USP8: variants seen among roughly 807,000 people sequenced by gnomAD.
USP8 encodes ubiquitin specific peptidase 8.
A neutral mutation model predicts 130.0 loss-of-function variants in USP8; 27 were observed. That is an observed-to-expected ratio of 0.21 (90% CI 0.15 to 0.29). The LOEUF (loss-of-function observed/expected upper bound fraction) is 0.29, where lower values mean the gene tolerates loss of function less well. Among genes scored for constraint, USP8 ranks in the 10% least tolerant of loss-of-function variants. The pLI, the probability that USP8 is intolerant of heterozygous loss-of-function variation, is 1.00. For missense variants in USP8, 1,029 were observed against 1,312.2 expected, an observed-to-expected ratio of 0.78 and a Z score of 3.33; for synonymous variants, 392 against 444.1, an observed-to-expected ratio of 0.88 and a Z score of 1.48.
At chr15:50,471,485 C>T in intron 7 of USP8, 148 bp from the exon 8 acceptor site, 1 of 747,100 alleles carries the variant, frequency 1.3e-6, no homozygotes. Context: ...TGTTTAATAT[C>T]TTAATATATA....
chr15:50,434,362 C>T lies in USP8; in HGVS notation c.-65-4647C>T, dbSNP rs190443868. 1.1e-3 allele frequency among the ~76,000 whole-genome samples: 166 copies of T among 151,510 alleles called. 1 individual carries two copies. Among genetic ancestry groups the T allele is most frequent in the African/African-American group, 3.8e-3 (155 of 41,308 alleles). On this transcript the variant is annotated intron_variant, in intron 1 of 19. Transcript: ENST00000307179. Reference sequence around the variant, plus strand: ...AAGCAGTCCACCTGCCTCAGCCTCCCGAAGTGCTAGGATTACAGGCCTGAG... The same window carrying T: ...AAGCAGTCCACCTGCCTCAGCCTCCTGAAGTGCTAGGATTACAGGCCTGAG...
Position 50,488,024 on chromosome 15 carries a change from T to A in USP8, c.1891-1777T>A, listed in dbSNP as rs573124414. 3.3e-5 allele frequency among the ~76,000 whole-genome samples: 5 copies of A among 152,348 alleles called. No homozygotes were observed. The East Asian group carries it at 9.6e-4, about 29-fold the overall frequency. On this transcript the variant is annotated intron_variant, in intron 12 of 19. Transcript: ENST00000307179. ...TGAAACCCCATCTCTAAACTTTTTT[T>A]AAATGACATTTGCAAACATTTTCTC...
intron 3 of USP8, among the ~76,000 whole-genome samples, chr15:50,446,776 CTT>C (rs1390358201): frequency 6.6e-6 from 1 of 152,104 alleles, no homozygotes; most frequent in Non-Finnish European, 1.5e-5. Context: ...TATCAACAGA[CTT>C]TTTTTGAGAC....
In USP8 at chr15:50,433,339, T is replaced by C. The variant is rs77495813; in HGVS notation, c.-65-5670T>C. ...ATTTAAGACAGCGAGAAGATACTTA[T>C]GTTGAGTATTGTTGCTGCCTAAGGG... is the stretch of plus-strand genomic sequence containing the variant. On this transcript the variant is annotated intron_variant, in intron 1 of 19. Coordinates refer to ENST00000307179, the MANE Select transcript of USP8 (RefSeq NM_005154.5). Among the ~76,000 whole-genome samples, 826 of 152,324 alleles carry C rather than the reference T, an allele frequency of 5.4e-3. 6 individuals are homozygous for C. The highest frequency in any genetic ancestry group is 0.019 in the African/African-American group (794 of 41,576).
chr15:50,442,790 G>C (rs1277830250), intron 3 of USP8, among the ~76,000 whole-genome samples: 1 of 152,002 alleles, frequency 6.6e-6, no homozygotes, highest in African/African-American at 2.4e-5. Flanking sequence ...AGAATATGAA[G>C]AATGTAGAGG....
At chr15:50,471,876 C>T (rs1366288230) in intron 8 of USP8, 81 bp downstream of exon 8, 14 of 1,241,022 alleles carry the variant, frequency 1.1e-5, no homozygotes, top group South Asian at 6.5e-5. Context: ...AGTTGTTTAT[C>T]TTAAATACTA....
intron 17 of USP8, among the ~76,000 whole-genome samples, chr15:50,496,480 TAAAAA>T (rs35899607): frequency 1.5e-4 from 17 of 116,502 alleles, no homozygotes; most frequent in African/African-American, 2.3e-4. Flanking sequence ...GACTCCGTCT[TAAAAA>T]AAAAAAAAAA....
At position 50,442,733 on chromosome 15, in the gene USP8, C is replaced by T. The variant is rs555596941; in HGVS notation, c.249+1240C>T. On this transcript the variant is annotated intron_variant, in intron 3 of 19. Coordinates refer to ENST00000307179, the MANE Select transcript of USP8 (RefSeq NM_005154.5). ...GCACTCCAGCTCCAGCCCAGGTGGGCGATAGACTCCATCTCAAAAAACAAA... is the reference window on the plus strand; with the variant it reads ...GCACTCCAGCTCCAGCCCAGGTGGGTGATAGACTCCATCTCAAAAAACAAA... Among the ~76,000 whole-genome samples, 28 of 151,962 alleles carry T rather than the reference C, an allele frequency of 1.8e-4. No individual in the cohort carries two copies. In the East Asian group the frequency reaches 2.5e-3, roughly 14 times the overall value.
intron 1 of USP8, among the ~76,000 whole-genome samples, chr15:50,433,631 A>G (rs2049997728): frequency 6.6e-6 from 1 of 151,806 alleles, no homozygotes; most frequent in Admixed American, 6.6e-5. Context: ...TTTTTTTGAG[A>G]TGGAGTCTCT....
In USP8 at chr15:50,499,078, T is replaced by C; in HGVS notation, c.3347T>C (p.Val1116Ala). 1 of 1,607,422 alleles carries C rather than the reference T, an allele frequency of 6.2e-7. No homozygotes were observed. The highest frequency in any genetic ancestry group is 8.5e-7 in the Non-Finnish European group (1 of 1,176,842). The stretch of plus-strand genomic sequence containing the variant: ...TCATTGGGACCACGAGTAACTGATG[T>C]AGCCACATAAGGAGACATAGGTTAT... ...YTSLGPRVTD[V>A]AT The change falls in exon 20 of 20, where the codon GTA becomes GCA. Residue 1116 changes from valine to alanine, a missense_variant. Around this residue, in one of 4 missense-constraint regions of USP8, gnomAD observed 257 missense variants for 429.8 expected, o/e 0.60. Transcript: ENST00000307179.
In USP8 at chr15:50,489,867, T is replaced by A; in HGVS notation, c.1957T>A (p.Ser653Thr). ...GGGGAGGATCGTACCAGGACTGCCTTCAGGCTGGGCCAAGGTAAAAGTCAG... is the reference window on the plus strand; with the variant it reads ...GGGGAGGATCGTACCAGGACTGCCTACAGGCTGGGCCAAGGTAAAAGTCAG... ...EMGRIVPGLP[S>T]GWAKFLDPIT... The change falls in exon 13 of 20, where the codon TCA becomes ACA. Residue 653 changes from serine (S) to threonine (T), a missense_variant. By Grantham distance (58) the Ser-to-Thr change is moderately conservative. Coordinates refer to ENST00000307179, the MANE Select transcript of USP8 (RefSeq NM_005154.5). 1.3e-6 allele frequency: 2 copies of A among 1,582,824 alleles called. No individual in the cohort carries two copies. The highest frequency in any genetic ancestry group is 1.7e-6 in the Non-Finnish European group (2 of 1,166,080).
rs1194012154 is a variant in USP8 at position 50,510,686 on chromosome 15, TAG to T, written c.*11603_*11604del. 1 of 152,116 alleles carries T rather than the reference TAG, an allele frequency of 6.6e-6. No homozygotes were observed. Among genetic ancestry groups the T allele is most frequent in the African/African-American group, 2.4e-5 (1 of 41,424 alleles). The allele number at this position is 152,116 out of a possible 1,614,324, so 9.4% of individuals were successfully genotyped here. ...GTATAGATGTGCACATATATATGTA[TAG>T]AGAGTGAAAGTAATAAAAGTGTATA... is the stretch of plus-strand genomic sequence containing the variant. On this transcript the variant is annotated 3_prime_UTR_variant, in exon 20 of 20. Coordinates refer to ENST00000307179, the MANE Select transcript of USP8 (RefSeq NM_005154.5).
chr15:50,498,369 C>G (rs899941556), intron 18 of USP8: 6 of 455,788 alleles, frequency 1.3e-5, no homozygotes, highest in Admixed American at 7.8e-5. Context: ...ACCATTCTGG[C>G]TGTTTGACCT....
At chr15:50,443,257 T>G (rs2050318270) in intron 3 of USP8, among the ~76,000 whole-genome samples, 1 of 147,082 alleles carries the variant, frequency 6.8e-6, no homozygotes, top group South Asian at 2.2e-4. Flanking sequence ...GCCCAGCTGG[T>G]ATCGAACTCC....
intron 14 of USP8, 73 bp downstream of exon 14, chr15:50,490,598 A>G (rs2052124398): frequency 6.5e-7 from 1 of 1,538,430 alleles, no homozygotes; most frequent in African/African-American, 1.4e-5. Flanking sequence ...ATCTGTCAGT[A>G]TGTTAGTGTC....
intron 16 of USP8, 131 bp from the exon 17 acceptor site, chr15:50,495,713 CAGTG>C (rs1474434736): frequency 4.4e-5 from 29 of 662,090 alleles, no homozygotes; most frequent in African/African-American, 3.8e-4. Flanking sequence ...TTGCCACACT[CAGTG>C]AGATCAGAAC....
chr15:50,424,994 ATTT>A (rs149856410), intron 1 of USP8, among the ~76,000 whole-genome samples: 1 of 148,482 alleles, frequency 6.7e-6, no homozygotes. Flanking sequence ...CAAATAGAAG[ATTT>A]TTTTTTTTTC....
intron 12 of USP8, among the ~76,000 whole-genome samples, chr15:50,485,550 ATTTTTTTTTTTT>A (rs71424071): frequency 0.015 from 428 of 27,986 alleles, 10 homozygotes; most frequent in African/African-American, 0.046. Context: ...CAGTTTAGTG[ATTTTTTTTTTTT>A]TTTTTTTTTT....
rs770743520 is a variant in USP8, at chr15:50,482,071, C to A, written c.1803+6C>A. ...GGGATTCAGGTTCAGGCAAGGTAAG[C>A]AGAAACAGTACAAATTGCCAACGAA... On this transcript the variant is annotated splice_donor_region_variant and intron_variant, in intron 11 of 19. Transcript: ENST00000307179. 5.4e-6 allele frequency: 8 copies of A among 1,479,344 alleles called. No homozygotes were observed. The African/African-American group carries it at 8.7e-5, about 16-fold the overall frequency. The allele number at this position is 1,479,344 out of a possible 1,614,324, so 91.6% of individuals were successfully genotyped here.
Sources: gnomAD v4.1 joint callset for allele counts (sites outside exome capture counted in the v4.1 genomes callset) on GRCh38, gnomAD v4.1.1 for gene constraint, gnomAD v4.1.1 regional missense constraint, MANE v1.5 for transcripts, NCBI Gene and HGNC (gene_info 2026-07-23, HGNC 2026-07-21) for gene names.